Variants in ADCK2 observed in about 807,000 individuals in gnomAD.
The protein encoded by ADCK2 is aarF domain containing kinase 2, also known as uncharacterized aarF domain-containing protein kinase 2.
In ADCK2, 37 loss-of-function variants were observed where a neutral mutation model predicts 52.3. The ratio of observed to expected loss-of-function variants is 0.71; its 90% CI spans 0.54 to 0.93. ADCK2 has a LOEUF of 0.93. ADCK2 is among the 40% of genes least tolerant of loss of function. The probability of loss-of-function intolerance (pLI) is 0.00; values close to 1 mark genes in which losing one functional copy is unlikely to be tolerated. For synonymous variants in ADCK2, 321 were observed against 349.2 expected (o/e 0.92, Z 0.90); for missense variants, 695 against 798.7 (o/e 0.87, Z 1.56).
In ADCK2 at chr7:140,673,311, G is replaced by A; in HGVS notation, c.-20G>A. The A allele has an allele frequency of 7.0e-7, 1 of 1,428,086 alleles. No individual in the cohort carries two copies. Among genetic ancestry groups the A allele is most frequent in the Non-Finnish European group, 9.2e-7 (1 of 1,090,728 alleles). The allele number at this position is 1,428,086 out of a possible 1,614,324, so 88.5% of individuals were successfully genotyped here. A position where few individuals can be genotyped will look rare whatever the true frequency, so the allele number is the denominator to read the frequency against. On this transcript the variant is annotated 5_prime_UTR_variant, in exon 1 of 8. Transcript: ENST00000072869. The surrounding 1 kb of genome is among the most constrained non-coding windows in gnomAD (Gnocchi z 6.4). The stretch of plus-strand genomic sequence containing the variant: ...CTCTGAAGTGGAGGGCGGGCCGCCT[G>A]GGCCGCGGGCCTCGGGAGGATGGTG...
chr7:140,687,696 A>C (rs1794630351), intron 5 of ADCK2, among the ~76,000 whole-genome samples: 1 of 151,196 alleles, frequency 6.6e-6, no homozygotes, highest in South Asian at 2.1e-4. Flanking sequence ...CCTGGGTGAA[A>C]GAGTGAGACT....
intron 2 of ADCK2, among the ~76,000 whole-genome samples, chr7:140,675,154 A>G (rs1478374404): frequency 1.3e-5 from 2 of 152,120 alleles, no homozygotes; most frequent in Non-Finnish European, 2.9e-5. Flanking sequence ...GAGGCATGAG[A>G]ATTGCTTGAA....
chr7:140,685,679 G>A (rs1330469210), intron 4 of ADCK2, among the ~76,000 whole-genome samples: 1 of 152,122 alleles, frequency 6.6e-6, no homozygotes, highest in Non-Finnish European at 1.5e-5. Context: ...TAAGGGATGG[G>A]GTCTATGGCC....
At chr7:140,686,916 G>A (rs956831427) in intron 4 of ADCK2, 74 bp from the exon 5 acceptor site, 27 of 1,568,728 alleles carry the variant, frequency 1.7e-5, no homozygotes, top group Admixed American at 3.4e-5. Context: ...ATTGTCACCT[G>A]GCAACTTTCT....
At chr7:140,694,036 G>A (rs1794753173) in intron 7 of ADCK2, among the ~76,000 whole-genome samples, 1 of 152,190 alleles carries the variant, frequency 6.6e-6, no homozygotes, top group South Asian at 2.1e-4. Context: ...AAAGGCTATT[G>A]TAGACCAGCT....
intron 3 of ADCK2, among the ~76,000 whole-genome samples, chr7:140,679,849 T>A (rs949422024): frequency 4.6e-5 from 7 of 151,572 alleles, no homozygotes; most frequent in Non-Finnish European, 1.0e-4. Context: ...ATTTTTGTAT[T>A]TTTTAGTAGA....
chr7:140,694,328 GTT>G (rs1301996102), intron 7 of ADCK2, among the ~76,000 whole-genome samples: 1 of 152,104 alleles, frequency 6.6e-6, no homozygotes, highest in Non-Finnish European at 1.5e-5. Context: ...GTTACTGTAG[GTT>G]TCGAAGAATT....
chr7:140,690,423 G>C (rs548934365), intron 6 of ADCK2, among the ~76,000 whole-genome samples: 1 of 151,036 alleles, frequency 6.6e-6, no homozygotes, highest in South Asian at 2.1e-4. Flanking sequence ...GGCTGGTCTC[G>C]AACTCCTGAC....
At chr7:140,677,137 G>A (rs1436551368) in intron 2 of ADCK2, among the ~76,000 whole-genome samples, 1 of 152,138 alleles carries the variant, frequency 6.6e-6, no homozygotes, top group Non-Finnish European at 1.5e-5. Context: ...GCCAGGTGCC[G>A]TGGCTCACAC....
chr7:140,679,375 A>G (rs1794477361), intron 3 of ADCK2, 92 bp downstream of exon 3: 7 of 1,538,682 alleles, frequency 4.5e-6, no homozygotes, highest in Middle Eastern at 2.0e-4. Flanking sequence ...GTCTGGAGAG[A>G]GGATGGGATT....
chr7:140,677,245 T>G (rs1794435655), intron 2 of ADCK2, among the ~76,000 whole-genome samples: 2 of 151,644 alleles, frequency 1.3e-5, no homozygotes, highest in Admixed American at 1.3e-4. Context: ...CTGTCTCTAC[T>G]AAAAATACAA....
intron 4 of ADCK2, among the ~76,000 whole-genome samples, chr7:140,681,974 A>T (rs898326214): frequency 3.3e-5 from 5 of 152,146 alleles, no homozygotes; most frequent in African/African-American, 7.2e-5. Flanking sequence ...AAGAAGGGTG[A>T]CCATGACCCA....
rs749441775 is a variant in ADCK2 at position 140,686,990 on chromosome 7, A to G, written c.1306A>G (p.Ile436Val). 9 of 1,611,626 alleles carry G rather than the reference A, an allele frequency of 5.6e-6. No individual in the cohort carries two copies. Among genetic ancestry groups the G allele is most frequent in the Non-Finnish European group, 7.6e-6 (9 of 1,177,950 alleles). Residue 436 changes from isoleucine to valine, a missense_variant and splice_region_variant, in exon 5 of 8, where the codon ATA becomes GTA. Coordinates refer to ENST00000072869, the MANE Select transcript of ADCK2 (RefSeq NM_052853.4). ...RLGINMLLKM[I>V]FVDNFVHADL... ...CATGAGCATTGTGATCTCCTTCCAG[A>G]TATTTGTGGATAACTTTGTCCATGC... is the stretch of plus-strand genomic sequence containing the variant.
intron 5 of ADCK2, among the ~76,000 whole-genome samples, chr7:140,689,383 A>G (rs1439954272): frequency 6.6e-6 from 1 of 152,132 alleles, no homozygotes; most frequent in Non-Finnish European, 1.5e-5. Context: ...CCCCTGGGCC[A>G]AGGTTAAGCA....
At position 140,687,179 on chromosome 7, in the gene ADCK2, G is replaced by A. The variant is rs1427730252; in HGVS notation, c.1495G>A (p.Glu499Lys). ...GCTGCTGGATGCTGGCATTGTGGCGGAGCTGCAGGCCCCTGACCTGAGGAA... is the reference window on the plus strand; with the variant it reads ...GCTGCTGGATGCTGGCATTGTGGCGAAGCTGCAGGCCCCTGACCTGAGGAA... ...LVLLDAGIVAELQAPDLRNFR... is the reference protein window; with the variant it reads ...LVLLDAGIVAKLQAPDLRNFR... Residue 499 changes from glutamate to lysine, a missense_variant, in exon 5 of 8, where the codon GAG (glutamate) becomes AAG (lysine). Transcript: ENST00000072869. The A allele has an allele frequency of 6.3e-7, 1 of 1,599,780 alleles. No homozygotes were observed. Among genetic ancestry groups the A allele is most frequent in the South Asian group, 1.1e-5 (1 of 89,544 alleles).
intron 4 of ADCK2, among the ~76,000 whole-genome samples, chr7:140,683,112 C>T (rs958715033): frequency 1.3e-5 from 2 of 151,746 alleles, no homozygotes; most frequent in Admixed American, 1.3e-4. Context: ...ACCATCCTGG[C>T]CAACATGGTG....
chr7:140,676,052 C>T (rs927477691), intron 2 of ADCK2, among the ~76,000 whole-genome samples: 2 of 152,214 alleles, frequency 1.3e-5, no homozygotes, highest in African/African-American at 2.4e-5. Flanking sequence ...GTCTCTTAGT[C>T]TGTTCGGACA....
intron 3 of ADCK2, 80 bp downstream of exon 3, chr7:140,679,363 C>T: frequency 1.9e-6 from 3 of 1,565,682 alleles, no homozygotes; most frequent in Non-Finnish European, 2.6e-6. Flanking sequence ...AGAAAGGCTT[C>T]AGTCTGGAGA....
In ADCK2 at chr7:140,693,435, C is replaced by T. The variant is rs918954396; in HGVS notation, c.1741-1228C>T. 1.3e-5 allele frequency among the ~76,000 whole-genome samples: 2 copies of T among 152,202 alleles called. No individual in the cohort carries two copies. The highest frequency in any genetic ancestry group is 6.5e-5 in the Admixed American group (1 of 15,282). On this transcript the variant is annotated intron_variant, in intron 7 of 7. Transcript: ENST00000072869. This position sits in a 1 kb window ranked among gnomAD's most constrained non-coding sequence, Gnocchi z 4.0. ...CTTTAATTTCTAACAAAGAATATTT[C>T]CCATGATTCAACCTTCCATTTCTTG...
Sources: allele counts gnomAD v4.1 joint callset (sites outside exome capture counted in the v4.1 genomes callset), GRCh38; gene constraint gnomAD v4.1.1; non-coding constraint Gnocchi (gnomAD v3.1); transcripts MANE v1.5; gene names NCBI Gene and HGNC (gene_info 2026-07-23, HGNC 2026-07-21).